TRNAU1AP: variants seen among roughly 807,000 people sequenced by gnomAD.
TRNAU1AP encodes tRNA selenocysteine 1 associated protein 1.
Under a neutral mutation model 43.3 loss-of-function variants are expected in TRNAU1AP, and 33 were observed. The observed-to-expected ratio is 0.76, with a 90% CI of 0.58 to 1.02. TRNAU1AP has a LOEUF of 1.02. Among genes scored for constraint, TRNAU1AP ranks in the 50% least tolerant of loss-of-function variants. The pLI, the probability that TRNAU1AP is intolerant of heterozygous loss-of-function variation, is 0.00. For missense variants in TRNAU1AP, 290 were observed against 362.7 expected, an observed-to-expected ratio of 0.80 and a Z score of 1.63; for synonymous variants, 143 against 129.1, an observed-to-expected ratio of 1.11 and a Z score of -0.73.
At chr1:28,576,023 G>T (rs1665772095) in intron 8 of TRNAU1AP, among the ~76,000 whole-genome samples, 1 of 150,330 alleles carries the variant, frequency 6.7e-6, no homozygotes, top group Admixed American at 6.7e-5. Flanking sequence ...GCCATACCCG[G>T]CTAATTTTTT....
chr1:28,571,058 C>G (rs1292096274), intron 6 of TRNAU1AP, 118 bp from the exon 7 acceptor site: 2 of 972,592 alleles, frequency 2.1e-6, no homozygotes, highest in Non-Finnish European at 3.0e-6. Flanking sequence ...GAGCAAGACT[C>G]TGTCTCAAGA....
chr1:28,562,239 G>A (rs1049508218), intron 4 of TRNAU1AP, among the ~76,000 whole-genome samples: 12 of 152,192 alleles, frequency 7.9e-5, no homozygotes, highest in East Asian at 1.9e-4. Context: ...ATTCATGGAC[G>A]TGTGCAAAGA....
intron 5 of TRNAU1AP, 195 bp downstream of exon 5, chr1:28,565,029 C>G (rs1398751391): frequency 3.2e-6 from 2 of 615,888 alleles, no homozygotes; most frequent in Non-Finnish European, 5.7e-6. Context: ...CTCTGTGACC[C>G]TTACAGCCCC....
chr1:28,570,560 G>T (rs1035908176), intron 6 of TRNAU1AP, among the ~76,000 whole-genome samples: 15 of 143,170 alleles, frequency 1.0e-4, no homozygotes, highest in South Asian at 2.2e-4. Context: ...TTTTTGTTTT[G>T]TTTTTTTTTT....
chr1:28,577,761 T>C lies in TRNAU1AP; in HGVS notation c.*125T>C, dbSNP rs1665831709. 4 of 1,092,804 alleles carry C rather than the reference T, an allele frequency of 3.7e-6. No homozygotes were observed. The highest frequency in any genetic ancestry group is 5.1e-5 in the Admixed American group (2 of 38,854). 67.7% of individuals were successfully genotyped at this position (1,092,804 alleles called of 1,614,324 possible). A position where few individuals can be genotyped will look rare whatever the true frequency, so the allele number is the denominator to read the frequency against. On this transcript the variant is annotated 3_prime_UTR_variant, in exon 9 of 9. Transcript: ENST00000373830. ...TAATAATGACTGTTTTTGGAGATCATGAATGTTTCTACAACACTGCTGCAT... is the reference window on the plus strand; with the variant it reads ...TAATAATGACTGTTTTTGGAGATCACGAATGTTTCTACAACACTGCTGCAT...
chr1:28,569,584 AGAGAGGCT>A (rs1043800906), intron 6 of TRNAU1AP, among the ~76,000 whole-genome samples: 1 of 150,830 alleles, frequency 6.6e-6, no homozygotes, highest in African/African-American at 2.4e-5. Context: ...CCAGCTACTC[AGAGAGGCT>A]GAGACCGGAG....
chr1:28,571,442 G>GA (rs1665659797), intron 7 of TRNAU1AP, 104 bp downstream of exon 7: 6 of 1,201,538 alleles, frequency 5.0e-6, no homozygotes, highest in African/African-American at 3.1e-5. Flanking sequence ...TTGGGCTTCA[G>GA]AAAAAATAGG....
chr1:28,555,217 C>T (rs1413132212), intron 2 of TRNAU1AP, among the ~76,000 whole-genome samples: 2 of 145,058 alleles, frequency 1.4e-5, no homozygotes, highest in African/African-American at 5.3e-5. Flanking sequence ...GCAATAAGAG[C>T]GAAACTCCAT....
chr1:28,562,958 T>C (rs1242783069), intron 4 of TRNAU1AP, among the ~76,000 whole-genome samples: 1 of 148,132 alleles, frequency 6.8e-6, no homozygotes, highest in African/African-American at 2.5e-5. Flanking sequence ...TGCAGTGGCA[T>C]GATCTTGGCT....
intron 8 of TRNAU1AP, among the ~76,000 whole-genome samples, chr1:28,576,382 G>GCC (rs1665781441): frequency 6.9e-6 from 1 of 145,330 alleles, no homozygotes; most frequent in African/African-American, 2.6e-5. Flanking sequence ...GCAATGGCGT[G>GCC]ATCTCGGCTC....
At chr1:28,564,674 C>T (rs1198347222) in intron 4 of TRNAU1AP, 29 bp from the exon 5 acceptor site, 12 of 1,599,986 alleles carry the variant, frequency 7.5e-6, no homozygotes, top group South Asian at 1.1e-5. Context: ...TGGTCTTTGC[C>T]TCTGAATCTT....
chr1:28,559,395 G>A (rs1159536327), intron 2 of TRNAU1AP, among the ~76,000 whole-genome samples: 3 of 152,114 alleles, frequency 2.0e-5, no homozygotes, highest in African/African-American at 7.2e-5. Flanking sequence ...TTGAGAGGCC[G>A]AGGCGGGCAG....
chr1:28,553,811 C>A, intron 2 of TRNAU1AP, 74 bp downstream of exon 2: 3 of 1,306,620 alleles, frequency 2.3e-6, no homozygotes, highest in South Asian at 2.4e-5. Context: ...ACATCGTAGT[C>A]ATGGCTTCTC....
At chr1:28,553,876 C>CA in intron 2 of TRNAU1AP, 139 bp downstream of exon 2, 1 of 771,006 alleles carries the variant, frequency 1.3e-6, no homozygotes, top group Non-Finnish European at 2.2e-6. Context: ...TTTGAGGTCC[C>CA]AATGAGTGGA....
At chr1:28,560,805 C>T (rs1665388937) in intron 3 of TRNAU1AP, 73 bp downstream of exon 3, 11 of 1,229,554 alleles carry the variant, frequency 8.9e-6, no homozygotes, top group Non-Finnish European at 1.3e-5. Flanking sequence ...TGAATCCCTA[C>T]TGTATACTTA....
At chr1:28,567,529 C>G in intron 6 of TRNAU1AP, 116 bp downstream of exon 6, 1 of 1,229,408 alleles carries the variant, frequency 8.1e-7, no homozygotes, top group Non-Finnish European at 1.1e-6. Flanking sequence ...GGATCCAATT[C>G]AAGTCACAAG....
At chr1:28,559,212 C>T (rs1365087328) in intron 2 of TRNAU1AP, among the ~76,000 whole-genome samples, 2 of 152,000 alleles carry the variant, frequency 1.3e-5, no homozygotes, top group African/African-American at 4.8e-5. Flanking sequence ...GCTGGAACTA[C>T]AGGCGCCTAC....
chr1:28,575,034 G>C (rs1041474844), intron 8 of TRNAU1AP, among the ~76,000 whole-genome samples: 1 of 152,098 alleles, frequency 6.6e-6, no homozygotes, highest in African/African-American at 2.4e-5. Flanking sequence ...AGGACAGTCC[G>C]GTCTTTTTAT....
chr1:28,555,704 T>C (rs1665244549), intron 2 of TRNAU1AP, among the ~76,000 whole-genome samples: 1 of 152,124 alleles, frequency 6.6e-6, no homozygotes, highest in African/African-American at 2.4e-5. Flanking sequence ...AGATACTTTG[T>C]GTATTCAGAA....
Sources: gnomAD v4.1 joint callset for allele counts (sites outside exome capture counted in the v4.1 genomes callset) on GRCh38, gnomAD v4.1.1 for gene constraint, MANE v1.5 for transcripts, NCBI Gene and HGNC (gene_info 2026-07-23, HGNC 2026-07-21) for gene names.